The following ARHGEF10 variants were observed in gnomAD, a reference collection of about 807,000 sequenced individuals.
The protein encoded by ARHGEF10 is Rho guanine nucleotide exchange factor 10.
A neutral mutation model predicts 147.4 loss-of-function variants in ARHGEF10; 140 were observed. That is an observed-to-expected ratio of 0.95 (90% confidence interval 0.83 to 1.09). The LOEUF is 1.09. Ranked by LOEUF, ARHGEF10 falls within the 50% of genes least tolerant of loss-of-function variation. The probability of loss-of-function intolerance (pLI) is 0.00; values close to 1 mark genes in which losing one functional copy is unlikely to be tolerated. For synonymous variants in ARHGEF10, 902 were observed against 695.8 expected (o/e 1.30, Z -4.67); for missense variants, 2,222 against 1,752.7 (o/e 1.27, Z -4.78).
At chr8:1,944,921 G>A (rs945374059) in intron 26 of ARHGEF10, among the ~76,000 whole-genome samples, 12 of 152,236 alleles carry the variant, frequency 7.9e-5, no homozygotes, top group African/African-American at 2.7e-4. Context: ...CCAGGCACCC[G>A]TGGGACCCCT....
At chr8:1,933,716 T>C in intron 25 of ARHGEF10, 84 bp from the exon 26 acceptor site, 1 of 1,513,342 alleles carries the variant, frequency 6.6e-7, no homozygotes, top group South Asian at 1.1e-5. Flanking sequence ...GGGTGTCAGT[T>C]ACTTAAAATG....
chr8:1,893,493 C>T lies in ARHGEF10; in HGVS notation c.1183-76C>T, dbSNP rs956134227. ...ATAGAAAAGTTACTTATCAGCAAGC[C>T]TCAGCATAGAAGTAAAATGTATCTG... On this transcript the variant is annotated intron_variant, in intron 11 of 28. Coordinates refer to ENST00000349830, the MANE Select transcript of ARHGEF10 (RefSeq NM_014629.4). 3 of 980,736 alleles carry T rather than the reference C, an allele frequency of 3.1e-6. No individual in the cohort carries two copies. The South Asian group carries it at 3.9e-5, about 13-fold the overall frequency. The allele number at this position is 980,736 out of a possible 1,614,324, so 60.8% of individuals were successfully genotyped here. A position where few individuals can be genotyped will look rare whatever the true frequency, so the allele number is the denominator to read the frequency against.
chr8:1,952,563 T>C, intron 27 of ARHGEF10, 142 bp from the exon 28 acceptor site: 1 of 1,124,246 alleles, frequency 8.9e-7, no homozygotes, highest in African/African-American at 1.5e-5. Flanking sequence ...GTGCTCGGGT[T>C]TGGGAACTCC....
intron 4 of ARHGEF10, among the ~76,000 whole-genome samples, chr8:1,860,472 CA>C (rs762308160): frequency 1.5e-3 from 229 of 151,722 alleles, no homozygotes; most frequent in Admixed American, 2.6e-3. Flanking sequence ...TCCTCCTCTC[CA>C]TGCCCCTGAT....
chr8:1,946,551 A>G (rs543688380), intron 27 of ARHGEF10, among the ~76,000 whole-genome samples: 2 of 152,298 alleles, frequency 1.3e-5, no homozygotes, highest in East Asian at 3.9e-4. Context: ...TCCGCTTCCT[A>G]TAAGGGTGCT....
chr8:1,832,833 GGC>G lies in ARHGEF10; in HGVS notation c.-48+8721_-48+8722del, dbSNP rs755979516. On this transcript the variant is annotated intron_variant, in intron 1 of 28. Coordinates refer to ENST00000349830, the MANE Select transcript of ARHGEF10 (RefSeq NM_014629.4). ...AGACAGAGGCAGAGAGAGAGGCAGAGGCAGAGACAGAGGCAGAGAGAGACAGA... is the reference window on the plus strand; with the variant it reads ...AGACAGAGGCAGAGAGAGAGGCAGAGAGAGACAGAGGCAGAGAGAGACAGA... Among the ~76,000 whole-genome samples the G allele has an allele frequency of 6.0e-3, 544 of 90,510 alleles. 25 individuals are homozygous for G. The highest frequency in any genetic ancestry group is 7.9e-3 in the Non-Finnish European group (349 of 44,440). 59.4% of individuals were successfully genotyped at this position (90,510 alleles called of 152,430 possible).
At chr8:1,841,801 T>G (rs1658391962) in intron 1 of ARHGEF10, among the ~76,000 whole-genome samples, 3 of 147,514 alleles carry the variant, frequency 2.0e-5, no homozygotes, top group Admixed American at 2.0e-4. Context: ...ACCTGAAACC[T>G]AGGAACTGGG....
chr8:1,853,692 G>A (rs889654076), intron 2 of ARHGEF10, among the ~76,000 whole-genome samples: 2 of 152,212 alleles, frequency 1.3e-5, no homozygotes, highest in Admixed American at 6.5e-5. Flanking sequence ...CCGAGCTTGC[G>A]GGGGAGCCTC....
At chr8:1,928,687 G>T (rs200979386) in intron 24 of ARHGEF10, 37 bp downstream of exon 24, 12 of 1,608,730 alleles carry the variant, frequency 7.5e-6, no homozygotes, top group East Asian at 4.5e-5. Flanking sequence ...GAATTAGCAA[G>T]CTCTGCCCAT....
chr8:1,924,473 ATG>A, intron 21 of ARHGEF10, among the ~76,000 whole-genome samples: 1 of 152,298 alleles, frequency 6.6e-6, no homozygotes, highest in East Asian at 1.9e-4. Flanking sequence ...CTGGGATGTC[ATG>A]TGTGTGTAAA....
chr8:1,898,350 G>A, intron 14 of ARHGEF10, 83 bp from the exon 15 acceptor site: 1 of 1,199,400 alleles, frequency 8.3e-7, no homozygotes, highest in Non-Finnish European at 1.2e-6. Flanking sequence ...CGAGTGTTCA[G>A]TGTGGTGGGG....
At chr8:1,932,534 G>A (rs1333580496) in intron 25 of ARHGEF10, among the ~76,000 whole-genome samples, 1 of 152,198 alleles carries the variant, frequency 6.6e-6, no homozygotes, top group Non-Finnish European at 1.5e-5. Context: ...GCGTGCATGT[G>A]TGTTGTGCAT....
At chr8:1,824,660 C>CGCACCCCACCTGTTTACCCT in intron 1 of ARHGEF10, among the ~76,000 whole-genome samples, 1 of 128,170 alleles carries the variant, frequency 7.8e-6, no homozygotes, top group African/African-American at 3.0e-5. Context: ...GCTGTCCCCC[C>CGCACCCCACCTGTTTACCCT]GCACCCCACC....
intron 17 of ARHGEF10, among the ~76,000 whole-genome samples, chr8:1,906,003 C>G (rs1252800929): frequency 6.6e-6 from 1 of 152,158 alleles, no homozygotes. Flanking sequence ...CATAACCCTC[C>G]TAAATCAAGA....
chr8:1,951,716 C>T (rs1330195222), intron 27 of ARHGEF10, among the ~76,000 whole-genome samples: 1 of 152,228 alleles, frequency 6.6e-6, no homozygotes, highest in Non-Finnish European at 1.5e-5. Flanking sequence ...CTACTGTGCT[C>T]CTCAGCTTTG....
intron 27 of ARHGEF10, among the ~76,000 whole-genome samples, chr8:1,949,631 A>G (rs1327295255): frequency 6.6e-6 from 1 of 152,160 alleles, no homozygotes; most frequent in East Asian, 1.9e-4. Flanking sequence ...GCCTCCAGGA[A>G]CTATGTGACC....
chr8:1,841,627 C>T (rs895513121), intron 1 of ARHGEF10, among the ~76,000 whole-genome samples: 4 of 151,894 alleles, frequency 2.6e-5, no homozygotes, highest in Admixed American at 2.0e-4. Flanking sequence ...TGTGGCTCGT[C>T]TGCTCATCTC....
At chr8:1,863,269 C>G (rs746397693) in intron 4 of ARHGEF10, among the ~76,000 whole-genome samples, 16 of 152,204 alleles carry the variant, frequency 1.1e-4, no homozygotes, top group Non-Finnish European at 2.2e-4. Flanking sequence ...TCCACCCCCC[C>G]AGCCCCTCGG....
At chr8:1,826,082 G>A (rs754091556) in intron 1 of ARHGEF10, 2 of 1,591,426 alleles carry the variant, frequency 1.3e-6, no homozygotes, top group Non-Finnish European at 8.5e-7. Context: ...AACATCGGCA[G>A]TTACGGATGC....
Sources: gnomAD v4.1 joint callset for allele counts (sites outside exome capture counted in the v4.1 genomes callset) on GRCh38, gnomAD v4.1.1 for gene constraint, MANE v1.5 for transcripts, NCBI Gene and HGNC (gene_info 2026-07-23, HGNC 2026-07-21) for gene names.